ANKRD11: variants seen among roughly 807,000 people sequenced by gnomAD.
The protein encoded by ANKRD11 is ankyrin repeat domain-containing protein 11.
Under a neutral mutation model 195.7 loss-of-function variants are expected in ANKRD11, and 17 were observed. The ratio of observed to expected loss-of-function variants is 0.09; its 90% confidence interval spans 0.06 to 0.13. The LOEUF (loss-of-function observed/expected upper bound fraction) is 0.13. Ranked by LOEUF, ANKRD11 falls within the 10% of genes least tolerant of loss-of-function variation. The pLI is 1.00. For synonymous variants in ANKRD11, 1,953 were observed against 1,528.1 expected, an observed-to-expected ratio of 1.28 and a Z score of -6.49; for missense variants, 3,735 against 3,566.1, an observed-to-expected ratio of 1.05 and a Z score of -1.21.
At chr16:89,300,349 G>A (rs760079567) in intron 4 of ANKRD11, 5 of 205,362 alleles carry the variant, frequency 2.4e-5, no homozygotes, top group East Asian at 1.8e-4. Flanking sequence ...TGGGACCCTC[G>A]TCAACACACT....
chr16:89,387,814 C>T (rs1023284659), intron 2 of ANKRD11, among the ~76,000 whole-genome samples: 1 of 151,190 alleles, frequency 6.6e-6, no homozygotes, highest in African/African-American at 2.4e-5. Context: ...ACCAGCCTGG[C>T]CAACATGGTG....
intron 2 of ANKRD11, chr16:89,323,145 G>C (rs554874512): frequency 1.4e-5 from 5 of 367,530 alleles, no homozygotes; most frequent in African/African-American, 2.2e-5. Context: ...GGAGAAGCAC[G>C]GTCTCCAGCG....
intron 1 of ANKRD11, among the ~76,000 whole-genome samples, chr16:89,450,026 A>G (rs2043997464): frequency 6.6e-6 from 1 of 152,160 alleles, no homozygotes. Context: ...CAACAGGAAA[A>G]GGCATTCTTT....
intron 2 of ANKRD11, among the ~76,000 whole-genome samples, chr16:89,399,636 G>A (rs2041610029): frequency 1.3e-5 from 2 of 152,190 alleles, no homozygotes; most frequent in South Asian, 2.1e-4. Flanking sequence ...GCACCCGGTG[G>A]ACCCTGAGGT....
intron 2 of ANKRD11, among the ~76,000 whole-genome samples, chr16:89,392,940 T>C (rs1244984281): frequency 1.3e-5 from 2 of 151,836 alleles, no homozygotes; most frequent in African/African-American, 2.4e-5. Context: ...AATGAGTGAG[T>C]GATCTACAGT....
Position 89,285,176 on chromosome 16 carries a change from T to C in ANKRD11, c.1366A>G (p.Lys456Glu). The stretch of plus-strand genomic sequence containing the variant: ...CCTTTTGTTTCTTTCTTTCGCTTCT[T>C]TTTCACTTTATTTTTTTCCTTCTGC... ...KQQKEKNKVK[K>E]KRKKETKGRE... Residue 456 changes from lysine to glutamate, a missense_variant, in exon 9 of 13, where the codon AAG becomes GAG. Coordinates refer to ENST00000301030, the MANE Select transcript of ANKRD11 (RefSeq NM_013275.6). The surrounding 1 kb of genome is among the most constrained non-coding windows in gnomAD (Gnocchi z 5.6). 6.2e-7 allele frequency: 1 copy of C among 1,613,498 alleles called. No homozygotes were observed. Among genetic ancestry groups the C allele is most frequent in the South Asian group, 1.1e-5 (1 of 91,080 alleles).
chr16:89,460,947 A>G (rs1187107753), intron 1 of ANKRD11, among the ~76,000 whole-genome samples: 2 of 140,438 alleles, frequency 1.4e-5, no homozygotes, highest in Non-Finnish European at 3.1e-5. Context: ...TTCATAAGAG[A>G]AGAAAGGACA....
intron 1 of ANKRD11, among the ~76,000 whole-genome samples, chr16:89,483,770 G>T (rs2057518731): frequency 6.6e-6 from 1 of 151,412 alleles, no homozygotes; most frequent in Admixed American, 6.6e-5. Context: ...GGAGGTTGCG[G>T]TGAGCCAAGA....
chr16:89,309,935 TCTC>T (rs2036517573), intron 3 of ANKRD11, among the ~76,000 whole-genome samples: 1 of 152,166 alleles, frequency 6.6e-6, no homozygotes, highest in South Asian at 2.1e-4. Context: ...CCACCTGGCT[TCTC>T]CTCCTTATGA....
At chr16:89,385,059 T>A (rs1270675691) in intron 2 of ANKRD11, among the ~76,000 whole-genome samples, 2 of 151,942 alleles carry the variant, frequency 1.3e-5, no homozygotes, top group African/African-American at 4.8e-5. Context: ...CTAATTTTTG[T>A]ATTTTTAGTA....
At position 89,280,166 on chromosome 16, in the gene ANKRD11, C is replaced by T. The variant is rs763901180; in HGVS notation, c.6376G>A (p.Gly2126Ser). The change falls in exon 9 of 13, where the codon GGC (glycine) becomes AGC (serine). Residue 2126 changes from glycine to serine, a missense_variant. By Grantham distance (56) the Gly-to-Ser change is moderately conservative. Transcript: ENST00000301030. ...EPVPWADAFAGPEDDLDLGPF... is the reference protein window; with the variant it reads ...EPVPWADAFASPEDDLDLGPF... ...CCCAGGTCCAGGTCGTCCTCGGGGCCGGCGAAGGCGTCCGCCCAGGGCACC... is the reference window on the plus strand; with the variant it reads ...CCCAGGTCCAGGTCGTCCTCGGGGCTGGCGAAGGCGTCCGCCCAGGGCACC... 69 of 1,609,440 alleles carry T rather than the reference C, an allele frequency of 4.3e-5. No individual in the cohort carries two copies. The highest frequency in any genetic ancestry group is 6.7e-5 in the East Asian group (3 of 44,802).
intron 1 of ANKRD11, among the ~76,000 whole-genome samples, chr16:89,458,294 C>T (rs949302654): frequency 5.3e-5 from 8 of 151,964 alleles, no homozygotes; most frequent in South Asian, 4.2e-4. Flanking sequence ...GCGCGATCTC[C>T]GCTCACTGCA....
Position 89,280,765 on chromosome 16 carries a change from G to A in ANKRD11, c.5777C>T (p.Pro1926Leu), listed in dbSNP as rs778991139. The change falls in exon 9 of 13, where the codon CCG (proline) becomes CTG (leucine). Residue 1926 changes from proline to leucine, a missense_variant. Transcript: ENST00000301030. ...DQQATAAIIP[P>L]EPSYLEPLDE... ...CAGCGGCTCCAGGTAGCTGGGCTCC[G>A]GGGGGATGATGGCGGCCGTCGCCTG... 14 of 1,612,392 alleles carry A rather than the reference G, an allele frequency of 8.7e-6. No homozygotes were observed. Among genetic ancestry groups the A allele is most frequent in the Middle Eastern group, 1.6e-4 (1 of 6,068 alleles).
intron 9 of ANKRD11, chr16:89,278,589 A>G (rs2033864799): frequency 4.4e-6 from 2 of 457,532 alleles, no homozygotes; most frequent in African/African-American, 2.0e-5. Flanking sequence ...AGGGAGCTGC[A>G]GCTCTGCTGT....
chr16:89,473,629 C>G (rs2057161257), intron 1 of ANKRD11, among the ~76,000 whole-genome samples: 1 of 152,240 alleles, frequency 6.6e-6, no homozygotes. Flanking sequence ...ACGCACCGCT[C>G]TCCCACAGAC....
chr16:89,332,369 GA>G (rs1484709102), intron 2 of ANKRD11, among the ~76,000 whole-genome samples: 1 of 152,180 alleles, frequency 6.6e-6, no homozygotes, highest in Non-Finnish European at 1.5e-5. Context: ...TACCTTTTCA[GA>G]AAGAAACACT....
At chr16:89,378,775 G>A (rs939720932) in intron 2 of ANKRD11, among the ~76,000 whole-genome samples, 2 of 152,174 alleles carry the variant, frequency 1.3e-5, no homozygotes, top group Admixed American at 1.3e-4. Flanking sequence ...TAGTAGAGAC[G>A]GGGTTTCATC....
In ANKRD11 at chr16:89,440,471, C is replaced by T. The variant is rs537668282; in HGVS notation, c.-144-22103G>A. Among the ~76,000 whole-genome samples, 8 of 152,192 alleles carry T rather than the reference C, an allele frequency of 5.3e-5. No individual in the cohort carries two copies. The South Asian group carries it at 1.7e-3, about 32-fold the overall frequency. On this transcript the variant is annotated intron_variant, in intron 1 of 12. Coordinates refer to ENST00000301030, the MANE Select transcript of ANKRD11 (RefSeq NM_013275.6). ...CAATAAAAACAGAATAAAAACTTAG[C>T]TGGGCATGGAGGTGTGCACCTGTAG...
At chr16:89,405,886 G>T (rs1340879778) in intron 2 of ANKRD11, among the ~76,000 whole-genome samples, 1 of 152,116 alleles carries the variant, frequency 6.6e-6, no homozygotes, top group East Asian at 1.9e-4. Flanking sequence ...AACGCCGGCA[G>T]ATCACCTGAG....
Sources: gnomAD v4.1 joint callset for allele counts (sites outside exome capture counted in the v4.1 genomes callset) on GRCh38, gnomAD v4.1.1 for gene constraint, Gnocchi (gnomAD v3.1) non-coding constraint, MANE v1.5 for transcripts, NCBI Gene and HGNC (gene_info 2026-07-23, HGNC 2026-07-21) for gene names.